MAMLD1: variants seen among roughly 807,000 people sequenced by gnomAD.
MAMLD1 encodes the protein mastermind like domain containing 1, also known as mastermind-like domain-containing protein 1.
MAMLD1 carries 14 observed loss-of-function variants against 45.0 expected under a neutral mutation model. That is an observed-to-expected ratio of 0.31 (90% CI 0.21 to 0.49). The LOEUF (loss-of-function observed/expected upper bound fraction) is 0.49. Among genes scored for constraint, MAMLD1 ranks in the 20% least tolerant of loss-of-function variants. The pLI, the probability that MAMLD1 is intolerant of heterozygous loss-of-function variation, is 0.99. For missense variants in MAMLD1, 543 were observed against 603.6 expected (o/e 0.90, Z 1.05); for synonymous variants, 254 against 247.8 (o/e 1.02, Z -0.24).
chrX:150,473,832 A>T, intron 5 of MAMLD1, 30 bp downstream of exon 5: 4 of 1,198,196 alleles, frequency 3.3e-6, no homozygotes, highest in Non-Finnish European at 4.5e-6. Context: ...TTTGTCTTCA[A>T]TTGGGTACAT....
upstream of MAMLD1, chrX:150,361,689 G>A (rs2030990687): frequency 8.9e-6 from 1 of 112,979 alleles, no homozygotes; most frequent in Non-Finnish European, 1.9e-5. Flanking sequence ...CCATCGGCTG[G>A]AGAAGTCCAG....
intron 2 of MAMLD1, among the ~76,000 whole-genome samples, chrX:150,461,849 A>C (rs980169372): frequency 1.8e-5 from 2 of 112,277 alleles, no homozygotes; most frequent in African/African-American, 6.5e-5. Context: ...TGGAGTTGGC[A>C]CTAGGAGCCA....
chrX:150,363,566 T>C (rs1483556793), intron 1 of MAMLD1, 36 bp downstream of exon 1: 1 of 111,157 alleles, frequency 9.0e-6, no homozygotes, highest in Admixed American at 9.4e-5. Context: ...GTCTGACTGT[T>C]CTGGGGGTTC....
At chrX:150,403,218 GTA>G (rs1359907284) in intron 1 of MAMLD1, among the ~76,000 whole-genome samples, 2 of 111,584 alleles carry the variant, frequency 1.8e-5, no homozygotes, top group Non-Finnish European at 3.8e-5. Context: ...GTCACATACT[GTA>G]TGATTCCATT....
chrX:150,496,330 T>C (rs782493247), intron 5 of MAMLD1, among the ~76,000 whole-genome samples: 12 of 112,783 alleles, frequency 1.1e-4, no homozygotes, highest in Non-Finnish European at 1.3e-4. Flanking sequence ...CAGGTTCAGC[T>C]TCCAGCTCTG....
At position 150,470,852 on chromosome X, in the gene MAMLD1, A is replaced by G. The variant is rs2036396098; in HGVS notation, c.1279A>G (p.Ile427Val). The G allele has an allele frequency of 8.3e-7, 1 of 1,209,971 alleles. No individual in the cohort carries two copies. Among genetic ancestry groups the G allele is most frequent in the African/African-American group, 1.8e-5 (1 of 57,106 alleles). ...GCCGCAGTTCGGCCCTCAGAGCTCC[A>G]TTCTTGCCAACCTCATGTCCTCTAC... ...QQPQFGPQSS[I>V]LANLMSSTIK... is the part of the protein sequence containing the mutation. Residue 427 changes from isoleucine (I) to valine (V), a missense_variant, in exon 4 of 8, where the codon ATT becomes GTT. Physicochemically the swap from Ile to Val is conservative, Grantham distance 29. Coordinates refer to ENST00000370401, the MANE Select transcript of MAMLD1 (RefSeq NM_005491.5).
intron 1 of MAMLD1, among the ~76,000 whole-genome samples, chrX:150,384,530 A>G (rs1299936083): frequency 8.9e-6 from 1 of 112,121 alleles, no homozygotes; most frequent in Admixed American, 9.4e-5. Flanking sequence ...CATCAGATAT[A>G]AGAGTTGCAA....
intron 1 of MAMLD1, among the ~76,000 whole-genome samples, chrX:150,403,968 G>GAA (rs1279737013): frequency 0.018 from 1,601 of 89,874 alleles, 53 homozygotes; most frequent in African/African-American, 0.065. Flanking sequence ...AAGAAAGAAA[G>GAA]AAAGAAAGAA....
chrX:150,392,589 T>C (rs1427028485), intron 1 of MAMLD1, among the ~76,000 whole-genome samples: 1 of 109,465 alleles, frequency 9.1e-6, no homozygotes, highest in African/African-American at 3.3e-5. Context: ...ACATGAGAAT[T>C]GGGGATGGGG....
intron 1 of MAMLD1, among the ~76,000 whole-genome samples, chrX:150,377,797 CTATGT>C (rs2032398125): frequency 1.0e-5 from 1 of 95,883 alleles, no homozygotes; most frequent in South Asian, 5.2e-4. Flanking sequence ...TTACCACATT[CTATGT>C]TATATCTACC....
chrX:150,369,370 T>A (rs1557400911), intron 1 of MAMLD1, among the ~76,000 whole-genome samples: 1 of 112,151 alleles, frequency 8.9e-6, no homozygotes, highest in African/African-American at 3.2e-5. Context: ...TCTGGGAAAG[T>A]GAAACATCAA....
rs1557403047 is a variant in MAMLD1 at position 150,416,413 on chromosome X, G to C, written c.-63-29041G>C. Reference sequence around the variant, plus strand: ...AATAAACTCTTCCTAATTTCAACCAGGGTAGCCTGTTGAAAGTGTTCATGT... The same window carrying C: ...AATAAACTCTTCCTAATTTCAACCACGGTAGCCTGTTGAAAGTGTTCATGT... On this transcript the variant is annotated intron_variant, in intron 1 of 7. Coordinates refer to ENST00000370401, the MANE Select transcript of MAMLD1 (RefSeq NM_005491.5). 8.3e-3 allele frequency among the ~76,000 whole-genome samples: 926 copies of C among 111,825 alleles called. 11 individuals are homozygous for C. Among genetic ancestry groups the C allele is most frequent in the African/African-American group, 0.029 (881 of 30,785 alleles).
At chrX:150,428,369 T>A (rs2034788691) in intron 1 of MAMLD1, among the ~76,000 whole-genome samples, 1 of 112,778 alleles carries the variant, frequency 8.9e-6, no homozygotes, top group African/African-American at 3.2e-5. Context: ...GGATGTAATA[T>A]AAAATCGAAA....
intron 1 of MAMLD1, among the ~76,000 whole-genome samples, chrX:150,382,885 A>T (rs801224): frequency 0.71 from 29,206 of 40,965 alleles, 10,294 homozygotes; most frequent in East Asian, 0.87. Flanking sequence ...ATTTTATTTT[A>T]TTTTTTTTTT....
At chrX:150,385,801 GT>G (rs1202993633) in intron 1 of MAMLD1, among the ~76,000 whole-genome samples, 1 of 111,863 alleles carries the variant, frequency 8.9e-6, no homozygotes, top group African/African-American at 3.3e-5. Flanking sequence ...TCTAAAAAAT[GT>G]TTCTATATAA....
chrX:150,364,572 G>A (rs1557400636), intron 1 of MAMLD1, among the ~76,000 whole-genome samples: 1 of 112,074 alleles, frequency 8.9e-6, no homozygotes, highest in African/African-American at 3.2e-5. Context: ...TGGGGGACGT[G>A]GGGAGAAGGG....
intron 1 of MAMLD1, among the ~76,000 whole-genome samples, chrX:150,370,892 C>T (rs1415902070): frequency 2.7e-5 from 3 of 112,307 alleles, no homozygotes; most frequent in Admixed American, 9.4e-5. Flanking sequence ...AGAGTAAAGG[C>T]TTCCAGAGAC....
chrX:150,466,616 G>T (rs983750711), intron 3 of MAMLD1, among the ~76,000 whole-genome samples: 1 of 112,427 alleles, frequency 8.9e-6, no homozygotes, highest in African/African-American at 3.2e-5. Context: ...AGTGGCATCC[G>T]CTCCAGCAGT....
At chrX:150,481,993 A>G (rs2036813259) in intron 5 of MAMLD1, among the ~76,000 whole-genome samples, 1 of 104,566 alleles carries the variant, frequency 9.6e-6, no homozygotes, top group African/African-American at 3.6e-5. Context: ...AGAAAGAAAG[A>G]AAGAAAGAAA....
Sources: allele counts gnomAD v4.1 joint callset (sites outside exome capture counted in the v4.1 genomes callset), GRCh38; gene constraint gnomAD v4.1.1; transcripts MANE v1.5; gene names NCBI Gene and HGNC (gene_info 2026-07-23, HGNC 2026-07-21).